The following STAT5A variants were observed in gnomAD, a reference collection of about 807,000 sequenced individuals.
The protein encoded by STAT5A is epididymis secretory sperm binding protein.
In STAT5A, 26 loss-of-function variants were observed where a neutral mutation model predicts 100.2. The ratio of observed to expected loss-of-function variants is 0.26; its 90% CI spans 0.19 to 0.36. The LOEUF (loss-of-function observed/expected upper bound fraction) is 0.36. Ranked by LOEUF, STAT5A falls within the 10% of genes least tolerant of loss-of-function variation. The probability of loss-of-function intolerance (pLI) is 1.00; values close to 1 mark genes in which losing one functional copy is unlikely to be tolerated. For synonymous variants in STAT5A, 330 were observed against 424.3 expected, an observed-to-expected ratio of 0.78 and a Z score of 2.73; for missense variants, 634 against 1,027.5, an observed-to-expected ratio of 0.62 and a Z score of 5.24.
rs1567693742 is a variant in STAT5A, at chr17:42,306,455, G to A, written c.1680+8G>A. 1.2e-6 allele frequency: 2 copies of A among 1,607,384 alleles called. No individual in the cohort carries two copies. The highest frequency in any genetic ancestry group is 2.2e-5 in the South Asian group (2 of 90,112). On this transcript the variant is annotated splice_region_variant and intron_variant, in intron 13 of 18. Transcript: ENST00000590949. ...TGGTCCCAGTTCAACAGGGTGAGGG[G>A]CCCAGCTGCCAGCCGCCCACCAGGG...
In STAT5A at chr17:42,297,942, G is replaced by A. The variant is rs189092841; in HGVS notation, c.551-1809G>A. 2.9e-4 allele frequency among the ~76,000 whole-genome samples: 44 copies of A among 151,566 alleles called. No individual in the cohort carries two copies. In the East Asian group the frequency reaches 6.0e-3, roughly 21 times the overall value. ...GAGCTCGACCAAGACATGCTGGTGC[G>A]CGCATCTTCTGACTCAGCTCAAGCA... On this transcript the variant is annotated intron_variant, in intron 5 of 18. Transcript: ENST00000590949.
At chr17:42,294,148 G>A (rs903685271) in intron 4 of STAT5A, among the ~76,000 whole-genome samples, 3 of 151,954 alleles carry the variant, frequency 2.0e-5, no homozygotes, top group Non-Finnish European at 4.4e-5. Context: ...CCCAGGAGGG[G>A]GATGTTGCAG....
intron 11 of STAT5A, among the ~76,000 whole-genome samples, chr17:42,305,223 C>T (rs2081016796): frequency 6.6e-6 from 1 of 151,846 alleles, no homozygotes; most frequent in Non-Finnish European, 1.5e-5. Flanking sequence ...CAGATTGCGG[C>T]CATGGGTGGT....
chr17:42,289,631 C>A, intron 2 of STAT5A, 92 bp downstream of exon 2: 1 of 1,516,070 alleles, frequency 6.6e-7, no homozygotes. Context: ...TGGTGTGACT[C>A]TGGTCCTGCC....
In STAT5A at chr17:42,289,620, T is replaced by C. The variant is rs565171091; in HGVS notation, c.128+81T>C. On this transcript the variant is annotated intron_variant, in intron 2 of 18. Coordinates refer to ENST00000590949, the MANE Select transcript of STAT5A (RefSeq NM_001288718.2). ...GGCCTCTAGTTTTACTCATGGTGGT[T>C]TGGTGTGACTCTGGTCCTGCCTGTC... The C allele has an allele frequency of 1.2e-4, 181 of 1,546,074 alleles. 1 individual carries two copies. Among genetic ancestry groups the C allele is most frequent in the Non-Finnish European group, 7.0e-6 (8 of 1,145,342 alleles).
At chr17:42,290,662 G>C (rs2080861332) in intron 3 of STAT5A, among the ~76,000 whole-genome samples, 1 of 152,198 alleles carries the variant, frequency 6.6e-6, no homozygotes, top group Non-Finnish European at 1.5e-5. Flanking sequence ...CTGAGGGGAA[G>C]CAATATAGGA....
chr17:42,302,938 G>A (rs2080995059), intron 9 of STAT5A, among the ~76,000 whole-genome samples: 1 of 147,766 alleles, frequency 6.8e-6, no homozygotes, highest in Admixed American at 6.8e-5. Context: ...CTATGACAGA[G>A]CAAGACTCTG....
chr17:42,306,928 C>A (rs1046185810), intron 13 of STAT5A, among the ~76,000 whole-genome samples: 3 of 152,176 alleles, frequency 2.0e-5, no homozygotes, highest in African/African-American at 7.2e-5. Context: ...CCATGTTGGT[C>A]AGGCTGGTCT....
At chr17:42,290,596 G>A (rs2080860883) in intron 3 of STAT5A, among the ~76,000 whole-genome samples, 1 of 152,128 alleles carries the variant, frequency 6.6e-6, no homozygotes, top group Non-Finnish European at 1.5e-5. Flanking sequence ...AATACAGACA[G>A]CAGGGTGCCA....
At position 42,290,205 on chromosome 17, in the gene STAT5A, A is replaced by AT. The variant is rs2144492632; in HGVS notation, c.285+185dup. On this transcript the variant is annotated intron_variant, in intron 3 of 18. Coordinates refer to ENST00000590949, the MANE Select transcript of STAT5A (RefSeq NM_001288718.2). Reference sequence around the variant, plus strand: ...TCGACCTGTCGGATTTCTTTAGCATATTGCAAAGCAAGGGTGGGAGGTGTT... The same window carrying AT: ...TCGACCTGTCGGATTTCTTTAGCATATTTGCAAAGCAAGGGTGGGAGGTGTT... 3 of 881,506 alleles carry AT rather than the reference A, an allele frequency of 3.4e-6. No homozygotes were observed. The East Asian group carries it at 9.4e-5, about 28-fold the overall frequency. 54.6% of individuals were successfully genotyped at this position (881,506 alleles called of 1,614,324 possible).
intron 5 of STAT5A, 69 bp downstream of exon 5, chr17:42,295,862 G>T: frequency 6.4e-7 from 1 of 1,569,544 alleles, no homozygotes; most frequent in Non-Finnish European, 8.6e-7. Flanking sequence ...ACTCCTAGAG[G>T]GTAGAGCTGG....
At chr17:42,289,797 T>G in intron 2 of STAT5A, 69 bp from the exon 3 acceptor site, 2 of 1,450,048 alleles carry the variant, frequency 1.4e-6, no homozygotes, top group Non-Finnish European at 1.8e-6. Context: ...TTCCACTTTA[T>G]TCCAGCTCCC....
At position 42,311,794 on chromosome 17, in the gene STAT5A, CA is replaced by C. The variant is rs1179888409; in HGVS notation, c.*1126del. The C allele has an allele frequency of 1.8e-4, 27 of 152,728 alleles. No individual in the cohort carries two copies. The highest frequency in any genetic ancestry group is 1.7e-3 in the Admixed American group (26 of 15,288). 9.5% of individuals were successfully genotyped at this position (152,728 alleles called of 1,614,324 possible). On this transcript the variant is annotated 3_prime_UTR_variant, in exon 19 of 19. Coordinates refer to ENST00000590949, the MANE Select transcript of STAT5A (RefSeq NM_001288718.2). ...CCTCTGAGGCTGTAGGACTCGCAGT[CA>C]GGGGCAGCTGACCATGGAAGATTGA... is the stretch of plus-strand genomic sequence containing the variant.
chr17:42,289,518 A>T lies in STAT5A; in HGVS notation c.107A>T (p.Gln36Leu), dbSNP rs201372597. ...ATCGAGGTCCGGCACTACTTGGCCC[A>T]GTGGATTGAGAGCCAGCCATGGTAG... ...FPIEVRHYLA[Q>L]WIESQPWDAI... Residue 36 changes from glutamine to leucine, a missense_variant, in exon 2 of 19, where the codon CAG (glutamine) becomes CTG (leucine). Coordinates refer to ENST00000590949, the MANE Select transcript of STAT5A (RefSeq NM_001288718.2). The T allele has an allele frequency of 6.2e-7, 1 of 1,613,030 alleles. No homozygotes were observed. Among genetic ancestry groups the T allele is most frequent in the Admixed American group, 1.7e-5 (1 of 60,008 alleles).
intron 12 of STAT5A, 158 bp from the exon 13 acceptor site, chr17:42,306,083 G>A (rs1390533481): frequency 7.6e-7 from 1 of 1,319,606 alleles, no homozygotes; most frequent in African/African-American, 1.5e-5. Context: ...GTGCAAGCTA[G>A]TATATAAAAG....
chr17:42,289,269 G>C, intron 1 of STAT5A, 133 bp from the exon 2 acceptor site: 1 of 1,033,500 alleles, frequency 9.7e-7, no homozygotes, highest in Non-Finnish European at 1.3e-6. Context: ...TCCCGCACAG[G>C]AAAGCTATCT....
In STAT5A at chr17:42,308,441, G is replaced by T. The variant is rs370832408; in HGVS notation, c.2062+108G>T. On this transcript the variant is annotated intron_variant, in intron 16 of 18. Coordinates refer to ENST00000590949, the MANE Select transcript of STAT5A (RefSeq NM_001288718.2). The surrounding 1 kb of genome is among the most constrained non-coding windows in gnomAD (Gnocchi z 4.6). ...GGGACTTCCCCAGGAGGAGCCTAGGGGCCATGTCCCCTGTGGGTTTTGGCC... is the reference window on the plus strand; with the variant it reads ...GGGACTTCCCCAGGAGGAGCCTAGGTGCCATGTCCCCTGTGGGTTTTGGCC... 7.1e-5 allele frequency: 108 copies of T among 1,514,218 alleles called. No homozygotes were observed. The African/African-American group carries it at 1.2e-3, about 17-fold the overall frequency. The allele number at this position is 1,514,218 out of a possible 1,614,324, so 93.8% of individuals were successfully genotyped here.
At chr17:42,309,845 G>C (rs1473220115) in intron 18 of STAT5A, among the ~76,000 whole-genome samples, 1 of 152,222 alleles carries the variant, frequency 6.6e-6, no homozygotes, top group East Asian at 1.9e-4. Context: ...ATACAGGGTA[G>C]CTATGAATGG....
At chr17:42,302,759 C>T (rs1016960455) in intron 9 of STAT5A, among the ~76,000 whole-genome samples, 1 of 151,818 alleles carries the variant, frequency 6.6e-6, no homozygotes, top group Non-Finnish European at 1.5e-5. Flanking sequence ...CATGGTGAAA[C>T]CCTGTCTCTA....
Sources: gnomAD v4.1 joint callset for allele counts (sites outside exome capture counted in the v4.1 genomes callset) on GRCh38, gnomAD v4.1.1 for gene constraint, Gnocchi (gnomAD v3.1) non-coding constraint, MANE v1.5 for transcripts, NCBI Gene and HGNC (gene_info 2026-07-23, HGNC 2026-07-21) for gene names.